ZNF33A: variants seen among roughly 807,000 people sequenced by gnomAD.
ZNF33A encodes the protein zinc finger protein 33A.
Under a neutral mutation model 15.9 loss-of-function variants are expected in ZNF33A, and 9 were observed. The observed-to-expected ratio is 0.57, with a 90% CI of 0.34 to 0.99. ZNF33A has a LOEUF of 0.99. ZNF33A is among the 50% of genes least tolerant of loss of function. ZNF33A has a pLI of 0.02. For synonymous variants in ZNF33A, 294 were observed against 324.2 expected (o/e 0.91, Z 1.00); for missense variants, 843 against 941.6 (o/e 0.90, Z 1.37).
upstream of ZNF33A, chr10:38,010,655 C>G (rs763814645): frequency 4.5e-6 from 7 of 1,546,974 alleles, no homozygotes; most frequent in Admixed American, 3.3e-5. Context: ...GCGCATGCCT[C>G]GTCCGCCGGC....
intron 4 of ZNF33A, among the ~76,000 whole-genome samples, chr10:38,032,718 T>C (rs2065266303): frequency 6.6e-6 from 1 of 151,514 alleles, no homozygotes; most frequent in African/African-American, 2.4e-5. Flanking sequence ...CCCAAAGTGC[T>C]GAGATTACAG....
chr10:38,030,070 C>A (rs1335425626), intron 4 of ZNF33A, among the ~76,000 whole-genome samples: 2 of 152,150 alleles, frequency 1.3e-5, no homozygotes, highest in Non-Finnish European at 2.9e-5. Flanking sequence ...TTTTATCATG[C>A]TCTTATTTGA....
chr10:38,045,144 C>T (rs1438436650), intron 4 of ZNF33A, among the ~76,000 whole-genome samples: 2 of 152,094 alleles, frequency 1.3e-5, no homozygotes, highest in Admixed American at 1.3e-4. Context: ...CTTTGTGCTT[C>T]CTCTAGATAC....
rs1236931201 is a variant in ZNF33A, at chr10:38,055,929, C to T, written c.1805C>T (p.Thr602Ile). Residue 602 changes from threonine (T) to isoleucine (I), a missense_variant, in exon 5 of 5, where the codon ACA becomes ATA. Thr to Ile is a moderately conservative substitution (Grantham distance 89). Transcript: ENST00000432900. ...NKSYLTKHNRTHTGEKPYECN... is the reference protein window; with the variant it reads ...NKSYLTKHNRIHTGEKPYECN... ...TCATACCTAACTAAACATAATAGAA[C>T]ACATACAGGGGAGAAACCCTATGAA... 3.1e-6 allele frequency: 5 copies of T among 1,613,720 alleles called. No individual in the cohort carries two copies. In the Admixed American group the frequency reaches 8.3e-5, roughly 27 times the overall value.
chr10:38,025,938 C>A (rs572051803), intron 4 of ZNF33A, among the ~76,000 whole-genome samples: 4 of 152,202 alleles, frequency 2.6e-5, no homozygotes, highest in East Asian at 1.9e-4. Flanking sequence ...CTCATTCCCC[C>A]CTCCTGCCAG....
intron 4 of ZNF33A, among the ~76,000 whole-genome samples, chr10:38,036,249 G>A (rs1272991458): frequency 6.6e-6 from 1 of 152,078 alleles, no homozygotes; most frequent in Non-Finnish European, 1.5e-5. Flanking sequence ...AGACCAGCCT[G>A]GCCAACGTGG....
rs555385089 is a variant in ZNF33A at position 38,016,848 on chromosome 10, C to T, written c.10-23C>T. The stretch of plus-strand genomic sequence containing the variant: ...ATTAGCCCATACTTCTTTTTTCATG[C>T]CACCTAATTCTGAATGTTTCAGGTA... On this transcript the variant is annotated intron_variant, in intron 2 of 4. Transcript: ENST00000432900. 6 of 1,608,350 alleles carry T rather than the reference C, an allele frequency of 3.7e-6. No homozygotes were observed. The Admixed American group carries it at 1.0e-4, about 28-fold the overall frequency.
chr10:38,052,486 A>G (rs2066252041), intron 4 of ZNF33A, among the ~76,000 whole-genome samples: 2 of 152,188 alleles, frequency 1.3e-5, no homozygotes. Flanking sequence ...CTCCCTGCTT[A>G]TGTCAGAAAG....
chr10:38,038,339 T>A (rs1020188065), intron 4 of ZNF33A, among the ~76,000 whole-genome samples: 25 of 152,240 alleles, frequency 1.6e-4, no homozygotes, highest in Middle Eastern at 3.4e-3. Flanking sequence ...TGACGTCAGG[T>A]GATCCAGCCA....
chr10:38,017,152 A>T (rs2064492219), intron 3 of ZNF33A, 137 bp downstream of exon 3: 23 of 1,362,196 alleles, frequency 1.7e-5, no homozygotes, highest in Non-Finnish European at 2.3e-5. Flanking sequence ...ACCTCTGAGT[A>T]CCAGAAGATA....
At chr10:38,020,018 A>G (rs2064664946) in intron 4 of ZNF33A, among the ~76,000 whole-genome samples, 1 of 152,222 alleles carries the variant, frequency 6.6e-6, no homozygotes, top group Admixed American at 6.5e-5. Context: ...ACATTTTTAT[A>G]CCTAGAACAA....
At chr10:38,063,850 T>C (rs2066684250), downstream of ZNF33A, among the ~76,000 whole-genome samples, 1 of 152,226 alleles carries the variant, frequency 6.6e-6, no homozygotes, top group Non-Finnish European at 1.5e-5. Flanking sequence ...TTCTGGTTTA[T>C]GCATTGTCCA....
chr10:38,010,847 C>G, intron 1 of ZNF33A, 64 bp downstream of exon 1: 5 of 1,586,216 alleles, frequency 3.2e-6, no homozygotes, highest in African/African-American at 1.3e-5. Context: ...GGGCGGGCGG[C>G]AGGGGGCCGG....
In ZNF33A at chr10:38,059,620, A is replaced by G. The variant is rs751628862; in HGVS notation, c.*3060A>G. ...GAAAACCAATCTGAAAAGGCTTTCT[A>G]TTTTGTATGATTGCAATTATATGAC... On this transcript the variant is annotated 3_prime_UTR_variant, in exon 5 of 5. Coordinates refer to ENST00000432900, the MANE Select transcript of ZNF33A (RefSeq NM_006954.2). The G allele has an allele frequency of 1.2e-4, 19 of 152,200 alleles. No homozygotes were observed. Among genetic ancestry groups the G allele is most frequent in the Non-Finnish European group, 2.5e-4 (17 of 68,018 alleles). The allele number at this position is 152,200 out of a possible 1,614,324, so 9.4% of individuals were successfully genotyped here. A position where few individuals can be genotyped will look rare whatever the true frequency, so the allele number is the denominator to read the frequency against.
intron 4 of ZNF33A, among the ~76,000 whole-genome samples, chr10:38,034,929 T>C (rs1352879827): frequency 3.9e-5 from 6 of 152,040 alleles, no homozygotes; most frequent in Non-Finnish European, 8.8e-5. Context: ...TGTAATATAC[T>C]TATAAATAGT....
chr10:38,016,105 T>C, intron 2 of ZNF33A: 1 of 939,352 alleles, frequency 1.1e-6, no homozygotes, highest in Non-Finnish European at 1.4e-6. Flanking sequence ...TTATTGTCTC[T>C]GAATTAAAGG....
In ZNF33A at chr10:38,045,033, G is replaced by A. The variant is rs571161048; in HGVS notation, c.251-9342G>A. On this transcript the variant is annotated intron_variant, in intron 4 of 4. Coordinates refer to ENST00000432900, the MANE Select transcript of ZNF33A (RefSeq NM_006954.2). Reference sequence around the variant, plus strand: ...TGATAGCTGGGTCTTCTCAAGGGCAGTTGCTGTTGCCTGTCGTTTTTCCTG... The same window carrying A: ...TGATAGCTGGGTCTTCTCAAGGGCAATTGCTGTTGCCTGTCGTTTTTCCTG... Among the ~76,000 whole-genome samples, 7 of 152,328 alleles carry A rather than the reference G, an allele frequency of 4.6e-5. No individual in the cohort carries two copies. The East Asian group carries it at 1.3e-3, about 29-fold the overall frequency.
chr10:38,021,900 A>C (rs1224416070), intron 4 of ZNF33A, among the ~76,000 whole-genome samples: 1 of 152,210 alleles, frequency 6.6e-6, no homozygotes, highest in East Asian at 1.9e-4. Context: ...GTCTGGAGTG[A>C]AGAAGGGGCC....
chr10:38,052,146 TTAGAA>T (rs1206707152), intron 4 of ZNF33A, among the ~76,000 whole-genome samples: 15 of 151,972 alleles, frequency 9.9e-5, no homozygotes, highest in African/African-American at 1.7e-4. Flanking sequence ...AGAAAGGAGA[TTAGAA>T]TAGAAAAGAA....
Sources: gnomAD v4.1 joint callset for allele counts (sites outside exome capture counted in the v4.1 genomes callset) on GRCh38, gnomAD v4.1.1 for gene constraint, MANE v1.5 for transcripts, NCBI Gene and HGNC (gene_info 2026-07-23, HGNC 2026-07-21) for gene names.